The following DKC1 variants were observed in gnomAD, a reference collection of about 807,000 sequenced individuals.
The protein encoded by DKC1 is dyskerin pseudouridine synthase 1.
A neutral mutation model predicts 46.7 loss-of-function variants in DKC1; 4 were observed. The ratio of observed to expected loss-of-function variants is 0.09; its 90% CI spans 0.04 to 0.20. DKC1 has a LOEUF of 0.20. Ranked by LOEUF, DKC1 falls within the 10% of genes least tolerant of loss-of-function variation. DKC1 has a pLI of 1.00. For missense variants in DKC1, 171 were observed against 404.2 expected, an observed-to-expected ratio of 0.42 and a Z score of 4.95; for synonymous variants, 141 against 142.4, an observed-to-expected ratio of 0.99 and a Z score of 0.07.
chrX:154,765,143 A>G (rs2071729648), intron 2 of DKC1, 177 bp downstream of exon 2: 1 of 488,032 alleles, frequency 2.0e-6, no homozygotes, highest in Non-Finnish European at 3.6e-6. Flanking sequence ...AGTGTCCTTC[A>G]GGCATAGCTT....
rs144801924 is a variant in DKC1, at chrX:154,772,892, C to T, written c.1037-239C>T. On this transcript the variant is annotated intron_variant, in intron 10 of 14. Coordinates refer to ENST00000369550, the MANE Select transcript of DKC1 (RefSeq NM_001363.5). ...TGAGCTGCAAGCCTGTTATGTGTAT[C>T]GTTAGGTGCTTTGGTTAGGTGTTTT... Among the ~76,000 whole-genome samples, 250 of 111,681 alleles carry T rather than the reference C, an allele frequency of 2.2e-3. 1 individual carries two copies. The highest frequency in any genetic ancestry group is 7.4e-3 in the African/African-American group (228 of 30,689).
At chrX:154,768,959 A>G (rs1557264602) in intron 8 of DKC1, among the ~76,000 whole-genome samples, 1 of 94,629 alleles carries the variant, frequency 1.1e-5, no homozygotes, top group African/African-American at 4.1e-5. Context: ...TGCAGTCCGC[A>G]GTCCCACCTG....
At chrX:154,776,400 G>A (rs1301887229) in intron 14 of DKC1, 76 bp downstream of exon 14, 1 of 1,130,050 alleles carries the variant, frequency 8.8e-7, no homozygotes, top group African/African-American at 1.8e-5. Flanking sequence ...GGTGGTACCA[G>A]CTTTGTTACT....
Position 154,766,390 on chromosome X carries a change from A to G in DKC1, c.438A>G (p.Gln146=), listed in dbSNP as rs782047160. Residue 146 remains glutamine, a synonymous_variant, in exon 5 of 15, where the codon CAA becomes CAG. Coordinates refer to ENST00000369550, the MANE Select transcript of DKC1 (RefSeq NM_001363.5). ...GAGCCACTCGCTTGGTGAAGTCACA[A>G]CAGAGTGCAGGTATGTGGGAGAGGG... ...IERATRLVKS[Q]QSAGKEYVGI... The G allele has an allele frequency of 3.3e-6, 4 of 1,210,410 alleles. No homozygotes were observed. Among genetic ancestry groups the G allele is most frequent in the Middle Eastern group, 2.3e-4 (1 of 4,300 alleles).
At chrX:154,776,411 C>A in intron 14 of DKC1, 87 bp downstream of exon 14, 1 of 1,112,491 alleles carries the variant, frequency 9.0e-7, no homozygotes, top group Non-Finnish European at 1.2e-6. Flanking sequence ...CTTTGTTACT[C>A]TTCTTGGAGG....
chrX:154,766,924 A>T, intron 5 of DKC1, 73 bp from the exon 6 acceptor site: 8 of 986,766 alleles, frequency 8.1e-6, no homozygotes, highest in Non-Finnish European at 1.2e-5. Context: ...AATGGGAGTG[A>T]CTGAGCATAT....
At chrX:154,763,005 CGTGCTAACTCCGGGCG>C (rs1322418392) in intron 1 of DKC1, 24 bp downstream of exon 1, 3 of 1,171,262 alleles carry the variant, frequency 2.6e-6, no homozygotes, top group Admixed American at 2.5e-5. Context: ...GCTTCCGGGC[CGTGCTAACTCCGGGCG>C]ACTCGGGGAA....
intron 12 of DKC1, 111 bp downstream of exon 12, chrX:154,774,816 A>T: frequency 1.5e-6 from 1 of 672,973 alleles, no homozygotes; most frequent in Non-Finnish European, 2.4e-6. Context: ...CCCACTTGCC[A>T]TCTGGACGCA....
chrX:154,775,269 C>T lies in DKC1; in HGVS notation c.1334C>T (p.Ala445Val), dbSNP rs782117503. The T allele has an allele frequency of 1.6e-5, 19 of 1,208,135 alleles. No individual in the cohort carries two copies. The highest frequency in any genetic ancestry group is 1.3e-4 in the Admixed American group (6 of 45,920). Residue 445 changes from alanine to valine, a missense_variant, in exon 13 of 15, where the codon GCG becomes GTG. Physicochemically the swap from Ala to Val is moderately conservative, Grantham distance 64. Around this residue, in one of 4 missense-constraint regions of DKC1, gnomAD observed 54 missense variants for 64.4 expected, o/e 0.84. Transcript: ENST00000369550. The stretch of plus-strand genomic sequence containing the variant: ...GTAGTTGCCGAAGCAGCAAAAACTG[C>T]GAAGGTGAGTGGCATGCTGTCCTCA... ...PQVVAEAAKTAKRKRESESES... is the reference protein window; with the variant it reads ...PQVVAEAAKTVKRKRESESES...
At chrX:154,769,450 T>C in intron 9 of DKC1, 140 bp downstream of exon 9, 1 of 699,283 alleles carries the variant, frequency 1.4e-6, no homozygotes, top group East Asian at 3.5e-5. Flanking sequence ...AAAAGTTTAA[T>C]GGTAGGCATA....
At chrX:154,776,070 C>T (rs946173043) in intron 13 of DKC1, 117 bp from the exon 14 acceptor site, 26 of 947,105 alleles carry the variant, frequency 2.7e-5, no homozygotes, top group Middle Eastern at 2.6e-4. Flanking sequence ...AGTCAGAAAA[C>T]GTCCTGTTAG....
chrX:154,776,218 A>G lies in DKC1; in HGVS notation c.1370A>G (p.Glu457Gly). 8.3e-7 allele frequency: 1 copy of G among 1,211,952 alleles called. No individual in the cohort carries two copies. The highest frequency in any genetic ancestry group is 1.1e-6 in the Non-Finnish European group (1 of 895,424). The part of the protein sequence containing the change: ...RKRESESESD[E>G]TPPAAPQLIK... ...CGAGAGAGTGAGAGTGAAAGTGACG[A>G]GACTCCTCCAGCAGCTCCTCAGTTG... Residue 457 changes from glutamate to glycine, a missense_variant, in exon 14 of 15, where the codon GAG (glutamate) becomes GGG (glycine). Physicochemically the swap from Glu to Gly is moderately conservative, Grantham distance 98. Transcript: ENST00000369550.
At chrX:154,771,032 C>T (rs983701480) in intron 10 of DKC1, among the ~76,000 whole-genome samples, 153 bp downstream of exon 10, 5 of 111,167 alleles carry the variant, frequency 4.5e-5, no homozygotes, top group Non-Finnish European at 5.7e-5. Flanking sequence ...AGCATTTATC[C>T]TTTGTGTTAC....
intron 5 of DKC1, chrX:154,766,601 A>C (rs1317438845): frequency 2.2e-6 from 1 of 452,227 alleles, no homozygotes; most frequent in Non-Finnish European, 3.8e-6. Flanking sequence ...CATACTAAGC[A>C]TGTATTCATC....
Position 154,773,156 on chromosome X carries a change from C to A in DKC1, c.1062C>A (p.Val354=). 1 of 1,205,354 alleles carries A rather than the reference C, an allele frequency of 8.3e-7. No individual in the cohort carries two copies. Among genetic ancestry groups the A allele is most frequent in the South Asian group, 1.8e-5 (1 of 56,742 alleles). ...CTATTGCATTAATGACCACAGCGGTCATCTCTACCTGCGACCATGGTATAG... is the reference window on the plus strand; with the variant it reads ...CTATTGCATTAATGACCACAGCGGTAATCTCTACCTGCGACCATGGTATAG... ...CMAIALMTTA[V]ISTCDHGIVA... is the part of the protein sequence containing the mutation. The change falls in exon 11 of 15, where the codon GTC becomes GTA. Residue 354 remains valine, a synonymous_variant. Coordinates refer to ENST00000369550, the MANE Select transcript of DKC1 (RefSeq NM_001363.5).
chrX:154,769,399 TTA>T, intron 9 of DKC1, 89 bp downstream of exon 9: 1 of 1,057,020 alleles, frequency 9.5e-7, no homozygotes, highest in Non-Finnish European at 1.3e-6. Context: ...GGGTTTTATT[TTA>T]TTTTTTTCAA....
At chrX:154,773,076 A>G in intron 10 of DKC1, 55 bp from the exon 11 acceptor site, 2 of 847,167 alleles carry the variant, frequency 2.4e-6, no homozygotes, top group Non-Finnish European at 3.5e-6. Flanking sequence ...GGGGCTCATC[A>G]ATTATCAATT....
In DKC1 at chrX:154,777,178, A is replaced by G. The variant is rs782301153; in HGVS notation, c.*311A>G. The stretch of plus-strand genomic sequence containing the variant: ...GCTGTCTGCTAGTGGTTGTCTTAAC[A>G]TCGTAGTCCTAGTTTGCATTTTTTA... On this transcript the variant is annotated 3_prime_UTR_variant, in exon 15 of 15. Transcript: ENST00000369550. 8.4e-4 allele frequency: 184 copies of G among 218,682 alleles called. 1 individual carries two copies. The highest frequency in any genetic ancestry group is 7.7e-3 in the South Asian group (100 of 13,007). The allele number at this position is 218,682 out of a possible 1,213,427, so 18.0% of individuals were successfully genotyped here. A position where few individuals can be genotyped will look rare whatever the true frequency, so the allele number is the denominator to read the frequency against.
chrX:154,767,815 A>G (rs113584393), intron 7 of DKC1, among the ~76,000 whole-genome samples: 1 of 110,179 alleles, frequency 9.1e-6, no homozygotes, highest in Non-Finnish European at 1.9e-5. Flanking sequence ...TAAGTGTTAA[A>G]AATTCTGCTA....
Sources: allele counts gnomAD v4.1 joint callset (sites outside exome capture counted in the v4.1 genomes callset), GRCh38; gene constraint gnomAD v4.1.1; regional missense constraint gnomAD v4.1.1; transcripts MANE v1.5; gene names NCBI Gene and HGNC (gene_info 2026-07-23, HGNC 2026-07-21).